Variants in CCDC102B observed in about 807,000 individuals in gnomAD.
CCDC102B encodes coiled-coil domain-containing protein 102B.
In CCDC102B, 75 loss-of-function variants were observed where a neutral mutation model predicts 57.4. The observed-to-expected ratio is 1.31, with a 90% CI of 1.08 to 1.58. CCDC102B has a LOEUF of 1.58. CCDC102B is among the 40% of genes most tolerant of loss of function. The pLI, the probability that CCDC102B is intolerant of heterozygous loss-of-function variation, is 0.00. For synonymous variants in CCDC102B, 206 were observed against 201.9 expected (o/e 1.02, Z -0.17); for missense variants, 636 against 582.6 (o/e 1.09, Z -0.94).
chr18:68,866,746 G>A (rs1045099130), intron 4 of CCDC102B: 9 of 615,208 alleles, frequency 1.5e-5, no homozygotes, highest in Admixed American at 1.1e-4. Flanking sequence ...GTCTGGTATT[G>A]CTTTGAGTGC....
chr18:68,840,468 T>C (rs2037579650), intron 3 of CCDC102B, among the ~76,000 whole-genome samples: 2 of 152,204 alleles, frequency 1.3e-5, no homozygotes, highest in African/African-American at 4.8e-5. Context: ...GATTAGTAGA[T>C]TGTGATCATA....
At chr18:68,966,636 C>T (rs750818776) in intron 6 of CCDC102B, among the ~76,000 whole-genome samples, 6 of 152,010 alleles carry the variant, frequency 3.9e-5, no homozygotes, top group African/African-American at 7.2e-5. Context: ...TATGTGTTGC[C>T]GCATTCCCTG....
intron 7 of CCDC102B, among the ~76,000 whole-genome samples, chr18:69,013,190 A>C (rs1296226895): frequency 1.3e-5 from 2 of 152,188 alleles, no homozygotes; most frequent in Non-Finnish European, 2.9e-5. Flanking sequence ...AATACTATTC[A>C]CCTACAAACA....
At chr18:69,017,001 G>C (rs957920909) in intron 7 of CCDC102B, among the ~76,000 whole-genome samples, 7 of 152,076 alleles carry the variant, frequency 4.6e-5, no homozygotes, top group Non-Finnish European at 1.0e-4. Context: ...TGAAAGTAAA[G>C]TAAACCTCAA....
intron 2 of CCDC102B, among the ~76,000 whole-genome samples, chr18:68,731,724 A>G (rs984776898): frequency 6.7e-6 from 1 of 149,854 alleles, no homozygotes; most frequent in Non-Finnish European, 1.5e-5. Flanking sequence ...TATATGTTAT[A>G]TGATCTCCTA....
At chr18:68,998,615 C>G (rs2145350900) in intron 6 of CCDC102B, among the ~76,000 whole-genome samples, 1 of 39,424 alleles carries the variant, frequency 2.5e-5, no homozygotes, top group Admixed American at 2.9e-4. Flanking sequence ...GCCAACAGTT[C>G]AGCTTTCAGT....
intron 6 of CCDC102B, among the ~76,000 whole-genome samples, chr18:68,941,079 A>AT (rs756041379): frequency 0.012 from 1,723 of 144,232 alleles, 12 homozygotes; most frequent in Middle Eastern, 0.019. Context: ...ACTATTTGCT[A>AT]TTTATTTATT....
At chr18:69,033,320 G>C (rs938300394) in intron 7 of CCDC102B, among the ~76,000 whole-genome samples, 11 of 152,100 alleles carry the variant, frequency 7.2e-5, no homozygotes, top group African/African-American at 2.6e-4. Flanking sequence ...CCCATTTTAA[G>C]GGTTCAGTGC....
intron 2 of CCDC102B, among the ~76,000 whole-genome samples, 166 bp downstream of exon 2, chr18:68,837,535 C>A (rs1302084989): frequency 6.6e-6 from 1 of 152,128 alleles, no homozygotes; most frequent in African/African-American, 2.4e-5. Context: ...CATTTTCTTA[C>A]AATTGTAGAA....
Position 68,874,734 on chromosome 18 carries a change from A to C in CCDC102B, c.1002A>C (p.Glu334Asp). 6.2e-7 allele frequency: 1 copy of C among 1,612,450 alleles called. No individual in the cohort carries two copies. ...MQELSGNIKE[E>D]SKSQNSKDRV... is the part of the protein sequence containing the mutation. ...AACTGTCAGGCAATATAAAGGAAGA[A>C]TCCAAATCTCAAAACAGCAAAGACA... Residue 334 changes from glutamate to aspartate, a missense_variant, in exon 5 of 8, where the codon GAA becomes GAC. Physicochemically the swap from Glu to Asp is conservative, Grantham distance 45. Transcript: ENST00000360242.
chr18:68,791,012 A>C (rs2035440143), intron 2 of CCDC102B, among the ~76,000 whole-genome samples: 1 of 152,226 alleles, frequency 6.6e-6, no homozygotes, highest in African/African-American at 2.4e-5. Context: ...AAAAAACAAT[A>C]AACTTTCAAG....
intron 7 of CCDC102B, among the ~76,000 whole-genome samples, chr18:69,049,892 C>T (rs968363705): frequency 6.6e-6 from 1 of 152,014 alleles, no homozygotes; most frequent in Admixed American, 6.6e-5. Context: ...TCACTGCAAC[C>T]TCCACCTCCC....
intron 2 of CCDC102B, among the ~76,000 whole-genome samples, chr18:68,747,678 G>C (rs777510125): frequency 6.6e-5 from 10 of 152,090 alleles, no homozygotes; most frequent in South Asian, 2.1e-4. Flanking sequence ...GTTCATCCAA[G>C]TTGTCACATA....
At chr18:69,024,129 G>A (rs578186764) in intron 7 of CCDC102B, among the ~76,000 whole-genome samples, 1 of 152,156 alleles carries the variant, frequency 6.6e-6, no homozygotes, top group South Asian at 2.1e-4. Context: ...TTAAAGTTAT[G>A]TTCAAGGACA....
rs1038911106 is a variant in CCDC102B, at chr18:69,017,581, C to A, written c.1434+6477C>A. ...TAATGTGTATAATGTGATGACCTGACATAAATAGCAAACTAATTACCAGTC... is the reference window on the plus strand; with the variant it reads ...TAATGTGTATAATGTGATGACCTGAAATAAATAGCAAACTAATTACCAGTC... On this transcript the variant is annotated intron_variant, in intron 7 of 7. Transcript: ENST00000360242. 2.6e-5 allele frequency among the ~76,000 whole-genome samples: 4 copies of A among 152,054 alleles called. No homozygotes were observed. In the East Asian group the frequency reaches 7.7e-4, roughly 29 times the overall value.
At chr18:69,032,770 T>C (rs2052182889) in intron 7 of CCDC102B, among the ~76,000 whole-genome samples, 1 of 152,084 alleles carries the variant, frequency 6.6e-6, no homozygotes, top group Admixed American at 6.6e-5. Flanking sequence ...GTTGCTATAG[T>C]ACTCTGAAAA....
At chr18:68,999,420 A>C (rs1267884419) in intron 6 of CCDC102B, among the ~76,000 whole-genome samples, 2 of 151,564 alleles carry the variant, frequency 1.3e-5, no homozygotes, top group Non-Finnish European at 2.9e-5. Flanking sequence ...AACACAGTGA[A>C]ACCCAGTCTC....
intron 6 of CCDC102B, among the ~76,000 whole-genome samples, chr18:68,934,240 G>A (rs969672021): frequency 7.2e-5 from 11 of 151,744 alleles, no homozygotes; most frequent in African/African-American, 1.5e-4. Flanking sequence ...AGTAGTTGTC[G>A]GCAAACTCTA....
intron 3 of CCDC102B, among the ~76,000 whole-genome samples, chr18:68,845,018 T>G (rs2037798621): frequency 6.6e-6 from 1 of 151,908 alleles, no homozygotes; most frequent in Non-Finnish European, 1.5e-5. Context: ...TGCACCATTT[T>G]TTTGCAACCT....
Sources: allele counts gnomAD v4.1 joint callset (sites outside exome capture counted in the v4.1 genomes callset), GRCh38; gene constraint gnomAD v4.1.1; transcripts MANE v1.5; gene names NCBI Gene and HGNC (gene_info 2026-07-23, HGNC 2026-07-21).